The following PAPSS1 variants were observed in gnomAD, a reference collection of about 807,000 sequenced individuals.
The protein encoded by PAPSS1 is bifunctional 3'-phosphoadenosine 5'-phosphosulfate synthase 1.
PAPSS1 carries 50 observed loss-of-function variants against 72.0 expected under a neutral mutation model. That is an observed-to-expected ratio of 0.69 (90% CI 0.55 to 0.88). PAPSS1 has a LOEUF of 0.88. Ranked by LOEUF, PAPSS1 falls within the 40% of genes least tolerant of loss-of-function variation. PAPSS1 has a pLI of 0.00. For missense variants in PAPSS1, 657 were observed against 782.2 expected, an observed-to-expected ratio of 0.84 and a Z score of 1.91; for synonymous variants, 261 against 263.6, an observed-to-expected ratio of 0.99 and a Z score of 0.09.
intron 1 of PAPSS1, chr4:107,718,454 T>C (rs774095880): frequency 6.6e-6 from 1 of 152,268 alleles, no homozygotes; most frequent in Non-Finnish European, 1.5e-5. Context: ...AGTTCCCCTC[T>C]GACTCAGAAA....
In PAPSS1 at chr4:107,695,037, T is replaced by C. The variant is rs529809270; in HGVS notation, c.176-1031A>G. ...TTTCTAATTCTGTAAGAATATCAAA[T>C]GGTAGTCTGATGGGAATAGCATTGA... On this transcript the variant is annotated intron_variant, in intron 2 of 11. Coordinates refer to ENST00000265174, the MANE Select transcript of PAPSS1 (RefSeq NM_005443.5). Among the ~76,000 whole-genome samples the C allele has an allele frequency of 2.0e-4, 30 of 152,240 alleles. No homozygotes were observed. The South Asian group carries it at 6.2e-3, about 32-fold the overall frequency.
At chr4:107,699,335 AC>A (rs1462822139) in intron 2 of PAPSS1, among the ~76,000 whole-genome samples, 4 of 152,098 alleles carry the variant, frequency 2.6e-5, no homozygotes, top group African/African-American at 9.7e-5. Context: ...AGGTAAGAGG[AC>A]TTACTCCACT....
chr4:107,631,737 T>C lies in PAPSS1; in HGVS notation c.1630A>G (p.Lys544Glu), dbSNP rs1333834655. ...AAACCAGGGGCCATCGTCAGCACTT[T>C]GGCACCATGACTTGGCTCATAAAGA... ...KDLYEPSHGA[K>E]VLTMAPGLIT... The change falls in exon 11 of 12, where the codon AAA becomes GAA. Residue 544 changes from lysine (K) to glutamate (E), a missense_variant. By Grantham distance (56) the Lys-to-Glu change is moderately conservative. Transcript: ENST00000265174. The C allele has an allele frequency of 1.2e-6, 2 of 1,614,136 alleles. No homozygotes were observed. The highest frequency in any genetic ancestry group is 1.6e-4 in the Middle Eastern group (1 of 6,062).
In PAPSS1 at chr4:107,631,709, A is replaced by G. The variant is rs1726229558; in HGVS notation, c.1658T>C (p.Ile553Thr). Reference protein sequence around the residue: ...AKVLTMAPGLITLEIVPFRVA... With the variant: ...AKVLTMAPGLTTLEIVPFRVA... ...TCGAAAGGGAACTATTTCCAAAGTGATTAAACCAGGGGCCATCGTCAGCAC... is the reference window on the plus strand; with the variant it reads ...TCGAAAGGGAACTATTTCCAAAGTGGTTAAACCAGGGGCCATCGTCAGCAC... Residue 553 changes from isoleucine (I) to threonine (T), a missense_variant, in exon 11 of 12, where the codon ATC (isoleucine) becomes ACC (threonine). Transcript: ENST00000265174. 6.2e-7 allele frequency: 1 copy of G among 1,614,112 alleles called. No homozygotes were observed. Among genetic ancestry groups the G allele is most frequent in the Non-Finnish European group, 8.5e-7 (1 of 1,179,984 alleles).
At chr4:107,655,693 C>T (rs575160697) in intron 7 of PAPSS1, among the ~76,000 whole-genome samples, 6 of 152,150 alleles carry the variant, frequency 3.9e-5, no homozygotes, top group Non-Finnish European at 8.8e-5. Flanking sequence ...CAAAAGATGT[C>T]AACGAGAGTA....
rs535132190 is a variant in PAPSS1, at chr4:107,654,810, A to G, written c.986T>C (p.Met329Thr). The stretch of plus-strand genomic sequence containing the variant: ...AATGGCCACACGGCGGCCCTCATAC[A>G]TCAGAGCAAATGCTGTACAGCCGTC... Reference protein sequence around the residue: ...RLDGCTAFALMYEGRRVAILR... With the variant: ...RLDGCTAFALTYEGRRVAILR... The change falls in exon 8 of 12, where the codon ATG becomes ACG. Residue 329 changes from methionine to threonine, a missense_variant. Physicochemically the swap from Met to Thr is moderately conservative, Grantham distance 81. Around this residue, in one of 7 missense-constraint regions of PAPSS1, gnomAD observed 190 missense variants for 176.7 expected, o/e 1.07. Coordinates refer to ENST00000265174, the MANE Select transcript of PAPSS1 (RefSeq NM_005443.5). 2 of 1,614,060 alleles carry G rather than the reference A, an allele frequency of 1.2e-6. No homozygotes were observed. The highest frequency in any genetic ancestry group is 2.2e-5 in the South Asian group (2 of 91,082).
In PAPSS1 at chr4:107,687,147, C is replaced by T. The variant is rs1425846333; in HGVS notation, c.442G>A (p.Gly148Ser). 6 of 1,588,924 alleles carry T rather than the reference C, an allele frequency of 3.8e-6. No individual in the cohort carries two copies. Among genetic ancestry groups the T allele is most frequent in the Non-Finnish European group, 5.1e-6 (6 of 1,171,876 alleles). ...DRNNARQIHEGASLPFFEVFV... is the reference protein window; with the variant it reads ...DRNNARQIHESASLPFFEVFV... ...ACTTCAAAAAACGGTAAACTTGCACCTTCATGAATTTGCCTTGCATTGTTG... is the reference window on the plus strand; with the variant it reads ...ACTTCAAAAAACGGTAAACTTGCACTTTCATGAATTTGCCTTGCATTGTTG... The change falls in exon 4 of 12, where the codon GGT becomes AGT. Residue 148 changes from glycine (G) to serine (S), a missense_variant. Transcript: ENST00000265174.
intron 10 of PAPSS1, among the ~76,000 whole-genome samples, chr4:107,632,974 A>G (rs1337697287): frequency 6.6e-6 from 1 of 152,214 alleles, no homozygotes; most frequent in Non-Finnish European, 1.5e-5. Context: ...CATAGTTTAG[A>G]AAGTGCAATA....
chr4:107,719,403 T>C (rs1165517210), intron 1 of PAPSS1, among the ~76,000 whole-genome samples: 1 of 152,142 alleles, frequency 6.6e-6, no homozygotes, highest in Non-Finnish European at 1.5e-5. Context: ...AGCAACGTTA[T>C]GAGGACACAG....
In PAPSS1 at chr4:107,684,958, T is replaced by G. The variant is rs181998515; in HGVS notation, c.550+2081A>C. On this transcript the variant is annotated intron_variant, in intron 4 of 11. Transcript: ENST00000265174. ...TCTCGCTCTGTCGCCCAGGCTAGAG[T>G]GCAGTGGCACAATTTCGGCTCACTG... is the stretch of plus-strand genomic sequence containing the variant. 2.3e-3 allele frequency among the ~76,000 whole-genome samples: 356 copies of G among 152,042 alleles called. 2 individuals are homozygous for G. Among genetic ancestry groups the G allele is most frequent in the African/African-American group, 8.3e-3 (343 of 41,494 alleles).
chr4:107,664,456 G>A (rs1435133004), intron 5 of PAPSS1, among the ~76,000 whole-genome samples: 2 of 152,060 alleles, frequency 1.3e-5, no homozygotes, highest in Non-Finnish European at 2.9e-5. Context: ...TGAAGACCAG[G>A]AGCAGTGTGC....
chr4:107,636,556 G>A (rs1175619013), intron 10 of PAPSS1, among the ~76,000 whole-genome samples: 1 of 152,022 alleles, frequency 6.6e-6, no homozygotes, highest in African/African-American at 2.4e-5. Context: ...TGAATTCTAA[G>A]AAATCAAAGG....
chr4:107,643,869 ATATAT>A (rs1319942217), intron 10 of PAPSS1, among the ~76,000 whole-genome samples: 3 of 152,284 alleles, frequency 2.0e-5, no homozygotes, highest in Admixed American at 6.5e-5. Context: ...TTTCTCATAT[ATATAT>A]TATATTTCAA....
At chr4:107,700,343 C>T (rs1020989313) in intron 2 of PAPSS1, among the ~76,000 whole-genome samples, 7 of 152,118 alleles carry the variant, frequency 4.6e-5, no homozygotes, top group Non-Finnish European at 8.8e-5. Flanking sequence ...TGAAAGCATC[C>T]ATCGTTTTTA....
chr4:107,643,767 T>C (rs1726621686), intron 10 of PAPSS1, among the ~76,000 whole-genome samples: 1 of 152,188 alleles, frequency 6.6e-6, no homozygotes, highest in Admixed American at 6.5e-5. Context: ...TCTGTTCCAA[T>C]GGGAAAAATT....
At chr4:107,617,898 A>G (rs1445324075) in intron 11 of PAPSS1, among the ~76,000 whole-genome samples, 1 of 152,248 alleles carries the variant, frequency 6.6e-6, no homozygotes, top group African/African-American at 2.4e-5. Flanking sequence ...ATAGTTCAAA[A>G]TAAAGTAAAC....
chr4:107,646,712 C>G (rs1371484250), intron 9 of PAPSS1, among the ~76,000 whole-genome samples: 1 of 152,148 alleles, frequency 6.6e-6, no homozygotes, highest in Non-Finnish European at 1.5e-5. Context: ...CCCTCCCAAC[C>G]CTGCTCTCAG....
intron 11 of PAPSS1, among the ~76,000 whole-genome samples, chr4:107,621,327 G>A (rs1227050097): frequency 6.6e-6 from 1 of 152,054 alleles, no homozygotes; most frequent in Non-Finnish European, 1.5e-5. Flanking sequence ...TTAAAAAGCA[G>A]GACACAAAAC....
chr4:107,720,030 G>GGAGGAGGCGGGAGA, intron 1 of PAPSS1, 90 bp downstream of exon 1: 13 of 1,560,940 alleles, frequency 8.3e-6, no homozygotes, highest in Non-Finnish European at 1.1e-5. Flanking sequence ...GGATGGATGC[G>GGAGGAGGCGGGAGA]GAGGAGGCGG....
Sources: gnomAD v4.1 joint callset for allele counts (sites outside exome capture counted in the v4.1 genomes callset) on GRCh38, gnomAD v4.1.1 for gene constraint, gnomAD v4.1.1 regional missense constraint, MANE v1.5 for transcripts, NCBI Gene and HGNC (gene_info 2026-07-23, HGNC 2026-07-21) for gene names.